The following EHMT1 variants were observed in gnomAD, a reference collection of about 807,000 sequenced individuals.
EHMT1 encodes euchromatic histone lysine methyltransferase 1.
EHMT1 carries 15 observed loss-of-function variants against 147.2 expected under a neutral mutation model. That is an observed-to-expected ratio of 0.10 (90% CI 0.07 to 0.16). EHMT1 has a LOEUF of 0.16. Ranked by LOEUF, EHMT1 falls within the 10% of genes least tolerant of loss-of-function variation. The pLI is 1.00. For missense variants in EHMT1, 1,587 were observed against 1,772.4 expected (o/e 0.90, Z 1.88); for synonymous variants, 795 against 709.6 (o/e 1.12, Z -1.91).
intron 18 of EHMT1, among the ~76,000 whole-genome samples, chr9:137,808,634 T>C (rs906827101): frequency 1.6e-5 from 2 of 125,800 alleles, no homozygotes; most frequent in Non-Finnish European, 3.1e-5. Flanking sequence ...AAGGATCTTA[T>C]GTGAACTGGA....
intron 25 of EHMT1, among the ~76,000 whole-genome samples, chr9:137,820,995 A>G (rs1425182070): frequency 6.6e-6 from 1 of 152,184 alleles, no homozygotes; most frequent in Non-Finnish European, 1.5e-5. Flanking sequence ...CTCCTGTCTC[A>G]GCCTCCCGAG....
chr9:137,761,672 G>C (rs145310479), intron 9 of EHMT1, among the ~76,000 whole-genome samples: 3 of 151,916 alleles, frequency 2.0e-5, no homozygotes, highest in Non-Finnish European at 2.9e-5. Flanking sequence ...TTGTCCAGGA[G>C]GGTCTCGATC....
At chr9:137,794,114 C>T (rs1381639357) in intron 16 of EHMT1, among the ~76,000 whole-genome samples, 1 of 152,116 alleles carries the variant, frequency 6.6e-6, no homozygotes, top group East Asian at 1.9e-4. Flanking sequence ...CAACTCCTGC[C>T]TCATGTCACA....
chr9:137,793,716 T>C (rs951569854), intron 16 of EHMT1, among the ~76,000 whole-genome samples: 6 of 152,216 alleles, frequency 3.9e-5, no homozygotes, highest in African/African-American at 1.2e-4. Flanking sequence ...CCATAAAAAG[T>C]AATGAAATTT....
At position 137,732,060 on chromosome 9, in the gene EHMT1, C is replaced by T. The variant is rs540376934; in HGVS notation, c.823+3531C>T. ...TCTCTTGCTGTCACCACCCACAGTA[C>T]GGGCTGGGGTGTGTTCCCAGCTCGT... On this transcript the variant is annotated intron_variant, in intron 4 of 26. Transcript: ENST00000460843. This position sits in a 1 kb window ranked among gnomAD's most constrained non-coding sequence, Gnocchi z 4.6. Among the ~76,000 whole-genome samples the T allele has an allele frequency of 1.3e-4, 20 of 152,352 alleles. No homozygotes were observed. Among genetic ancestry groups the T allele is most frequent in the African/African-American group, 3.6e-4 (15 of 41,588 alleles).
At chr9:137,626,036 T>TC (rs2133511224) in intron 1 of EHMT1, among the ~76,000 whole-genome samples, 1 of 150,584 alleles carries the variant, frequency 6.6e-6, no homozygotes, top group African/African-American at 2.4e-5. Context: ...TGTATTTTTT[T>TC]TTTTTTTTTT....
chr9:137,695,683 G>A (rs1943344333), intron 1 of EHMT1, among the ~76,000 whole-genome samples: 1 of 152,224 alleles, frequency 6.6e-6, no homozygotes, highest in Admixed American at 6.5e-5. Flanking sequence ...GGCCTCCCGG[G>A]TGGCGTGGGC....
intron 1 of EHMT1, among the ~76,000 whole-genome samples, chr9:137,677,094 G>A (rs761489376): frequency 2.6e-5 from 4 of 151,994 alleles, no homozygotes; most frequent in Non-Finnish European, 4.4e-5. Flanking sequence ...CTCTCAAGGT[G>A]CTGGGATCAC....
intron 10 of EHMT1, among the ~76,000 whole-genome samples, chr9:137,773,509 G>A (rs567155712): frequency 4.6e-5 from 7 of 152,334 alleles, no homozygotes; most frequent in East Asian, 1.9e-4. Context: ...CCACCTGGGC[G>A]TGCCCTGCAG....
chr9:137,744,936 A>G (rs1948422085), intron 6 of EHMT1, among the ~76,000 whole-genome samples: 1 of 152,260 alleles, frequency 6.6e-6, no homozygotes, highest in Non-Finnish European at 1.5e-5. Flanking sequence ...TCGGAGTTAC[A>G]TTCATGCTTT....
rs111587415 is a variant in EHMT1, at chr9:137,695,115, C to T, written c.22-15852C>T. 1.1e-4 allele frequency among the ~76,000 whole-genome samples: 17 copies of T among 152,370 alleles called. 1 individual carries two copies. The highest frequency in any genetic ancestry group is 3.8e-4 in the African/African-American group (16 of 41,588). On this transcript the variant is annotated intron_variant, in intron 1 of 26. Coordinates refer to ENST00000460843, the MANE Select transcript of EHMT1 (RefSeq NM_024757.5). ...TTGGAGTTTTTGGGGTTTTTGCAGGCAGGTGCTCACACCCTGGGCACCTGG... is the reference window on the plus strand; with the variant it reads ...TTGGAGTTTTTGGGGTTTTTGCAGGTAGGTGCTCACACCCTGGGCACCTGG...
chr9:137,821,854 T>C (rs1955447409), intron 25 of EHMT1, among the ~76,000 whole-genome samples: 2 of 152,266 alleles, frequency 1.3e-5, no homozygotes, highest in Admixed American at 1.3e-4. Flanking sequence ...AGTAATATTT[T>C]ATGGTTTTCT....
intron 3 of EHMT1, among the ~76,000 whole-genome samples, chr9:137,718,963 C>T (rs994762505): frequency 6.6e-6 from 1 of 152,030 alleles, no homozygotes; most frequent in Non-Finnish European, 1.5e-5. Context: ...ACCATGTTGG[C>T]CAGGCTGTTC....
At chr9:137,790,495 C>T (rs1952442481) in intron 15 of EHMT1, among the ~76,000 whole-genome samples, 1 of 152,180 alleles carries the variant, frequency 6.6e-6, no homozygotes, top group Non-Finnish European at 1.5e-5. Flanking sequence ...CACCTCCCTC[C>T]TGCCTCCTCT....
chr9:137,715,921 A>C (rs1030591770), intron 2 of EHMT1: 1 of 862,010 alleles, frequency 1.2e-6, no homozygotes, highest in South Asian at 5.3e-5. Context: ...AGAAATGTTT[A>C]TGTTTAATAT....
intron 4 of EHMT1, among the ~76,000 whole-genome samples, chr9:137,739,173 C>T (rs1947829069): frequency 6.6e-6 from 1 of 151,116 alleles, no homozygotes; most frequent in Non-Finnish European, 1.5e-5. Context: ...AGATCGAGAC[C>T]ATCCTGGCTA....
chr9:137,812,885 T>C, intron 19 of EHMT1, 121 bp from the exon 20 acceptor site: 1 of 1,378,182 alleles, frequency 7.3e-7, no homozygotes, highest in Non-Finnish European at 1.0e-6. Context: ...TTGTTCAAGT[T>C]ATCTCACAGT....
chr9:137,679,729 T>C (rs918203731), intron 1 of EHMT1, among the ~76,000 whole-genome samples: 1 of 152,240 alleles, frequency 6.6e-6, no homozygotes, highest in African/African-American at 2.4e-5. Flanking sequence ...ATACATTGGA[T>C]ATTTTTTTCT....
chr9:137,710,609 T>C (rs952822928), intron 1 of EHMT1, among the ~76,000 whole-genome samples: 38 of 152,328 alleles, frequency 2.5e-4, no homozygotes, highest in Non-Finnish European at 4.6e-4. Flanking sequence ...GTTGGACATT[T>C]GAAATATATG....
Sources: gnomAD v4.1 joint callset for allele counts (sites outside exome capture counted in the v4.1 genomes callset) on GRCh38, gnomAD v4.1.1 for gene constraint, Gnocchi (gnomAD v3.1) non-coding constraint, MANE v1.5 for transcripts, NCBI Gene and HGNC (gene_info 2026-07-23, HGNC 2026-07-21) for gene names.